Variants in RNF130 observed in about 807,000 individuals in gnomAD.
The protein encoded by RNF130 is E3 ubiquitin-protein ligase RNF130.
A neutral mutation model predicts 44.6 loss-of-function variants in RNF130; 21 were observed. That is an observed-to-expected ratio of 0.47 (90% CI 0.33 to 0.68). The LOEUF (loss-of-function observed/expected upper bound fraction) is 0.68, where lower values mean the gene tolerates loss of function less well. Ranked by LOEUF, RNF130 falls within the 30% of genes least tolerant of loss-of-function variation. RNF130 has a pLI of 0.02. For missense variants in RNF130, 479 were observed against 560.6 expected, an observed-to-expected ratio of 0.85 and a Z score of 1.47; for synonymous variants, 214 against 210.4, an observed-to-expected ratio of 1.02 and a Z score of -0.15.
At chr5:179,914,690 T>G (rs1761516088) in exon 8 of RNF130, 1 of 152,172 alleles carries the variant, frequency 6.6e-6, no homozygotes. Flanking sequence ...GATATTGTGA[T>G]TACATGGAGA....
At chr5:179,917,621 G>A (rs1258368186) in exon 8 of RNF130, 4 of 152,204 alleles carry the variant, frequency 2.6e-5, no homozygotes, top group Non-Finnish European at 5.9e-5. Flanking sequence ...AGCAGCCCCG[G>A]CCACTTCCTG....
chr5:179,912,112 A>G (rs1761475604), exon 8 of RNF130: 1 of 152,220 alleles, frequency 6.6e-6, no homozygotes, highest in Non-Finnish European at 1.5e-5. Flanking sequence ...TATAGTTAGA[A>G]AAATAGTTTT....
At chr5:180,028,160 C>T (rs1399924669) in intron 2 of RNF130, among the ~76,000 whole-genome samples, 1 of 152,202 alleles carries the variant, frequency 6.6e-6, no homozygotes, top group Non-Finnish European at 1.5e-5. Flanking sequence ...ATACTCTTCT[C>T]AACTCCTCAA....
At chr5:179,982,566 G>GTGTTTTGTTTTGTTT (rs71591449) in intron 3 of RNF130, among the ~76,000 whole-genome samples, 1 of 150,592 alleles carries the variant, frequency 6.6e-6, no homozygotes, top group African/African-American at 2.5e-5. Flanking sequence ...GTGAGATTTT[G>GTGTTTTGTTTTGTTT]TGTTTTGTTT....
At chr5:180,068,320 T>TA (rs1259417389) in intron 1 of RNF130, among the ~76,000 whole-genome samples, 1 of 152,202 alleles carries the variant, frequency 6.6e-6, no homozygotes, top group African/African-American at 2.4e-5. Context: ...GAGTAAGTAA[T>TA]AAGAAAGCAA....
chr5:180,024,376 T>A (rs1170370423), intron 2 of RNF130, among the ~76,000 whole-genome samples: 1 of 152,226 alleles, frequency 6.6e-6, no homozygotes, highest in East Asian at 1.9e-4. Context: ...GGAAACTGGG[T>A]GCAGGGTTTG....
chr5:179,933,692 T>C, intron 7 of RNF130: 3 of 321,904 alleles, frequency 9.3e-6, no homozygotes, highest in South Asian at 8.6e-5. Context: ...GGGCTAATTT[T>C]TTCTACTTTT....
At chr5:179,914,041 G>C (rs1475760438) in exon 8 of RNF130, 1 of 152,270 alleles carries the variant, frequency 6.6e-6, no homozygotes, top group Non-Finnish European at 1.5e-5. Flanking sequence ...GCTTCTCCCA[G>C]TCCTTCTGCA....
At chr5:180,039,377 C>T (rs1440013414) in intron 2 of RNF130, among the ~76,000 whole-genome samples, 1 of 152,080 alleles carries the variant, frequency 6.6e-6, no homozygotes, top group Non-Finnish European at 1.5e-5. Flanking sequence ...GCTGGGATTA[C>T]AGGTACCCTC....
chr5:180,023,882 A>C (rs539550356), intron 2 of RNF130, among the ~76,000 whole-genome samples: 7 of 152,346 alleles, frequency 4.6e-5, no homozygotes, highest in African/African-American at 1.7e-4. Flanking sequence ...CAGGGGGAAA[A>C]GAGTTAACTT....
chr5:180,062,355 C>T (rs993964902), intron 1 of RNF130, among the ~76,000 whole-genome samples: 16 of 152,028 alleles, frequency 1.1e-4, no homozygotes, highest in Non-Finnish European at 1.9e-4. Context: ...CCACTGAGCC[C>T]GGTCCCCCCA....
intron 2 of RNF130, among the ~76,000 whole-genome samples, chr5:180,037,471 G>A (rs947951949): frequency 6.6e-6 from 1 of 152,180 alleles, no homozygotes; most frequent in Non-Finnish European, 1.5e-5. Flanking sequence ...AGGCAGCTTG[G>A]CCTATGTCAC....
chr5:179,972,974 A>G (rs887664641), intron 5 of RNF130, among the ~76,000 whole-genome samples: 1 of 152,266 alleles, frequency 6.6e-6, no homozygotes, highest in Non-Finnish European at 1.5e-5. Context: ...TATGAAGAAA[A>G]ACAAAAAAGA....
chr5:180,008,985 T>C (rs2113076233), intron 3 of RNF130, among the ~76,000 whole-genome samples: 1 of 151,038 alleles, frequency 6.6e-6, no homozygotes, highest in East Asian at 1.9e-4. Flanking sequence ...AAGAAAAAAA[T>C]ACATAGGACT....
At chr5:180,006,651 C>T (rs182848495) in intron 3 of RNF130, among the ~76,000 whole-genome samples, 2 of 152,218 alleles carry the variant, frequency 1.3e-5, no homozygotes, top group Admixed American at 6.5e-5. Context: ...ACATCTGCCC[C>T]GTTCCTAAAC....
At chr5:179,973,713 C>T (rs1440386903) in intron 5 of RNF130, among the ~76,000 whole-genome samples, 1 of 152,052 alleles carries the variant, frequency 6.6e-6, no homozygotes, top group Non-Finnish European at 1.5e-5. Context: ...GAAAGAGGCA[C>T]CTGGGGCAAG....
intron 2 of RNF130, among the ~76,000 whole-genome samples, chr5:180,015,844 A>C (rs1041191156): frequency 7.9e-5 from 12 of 152,196 alleles, no homozygotes; most frequent in African/African-American, 2.4e-5. Context: ...AAATAAGAAC[A>C]CCAACTAATT....
downstream of RNF130, among the ~76,000 whole-genome samples, chr5:179,953,238 T>C (rs561230509): frequency 1.4e-4 from 21 of 151,620 alleles, 1 homozygote; most frequent in South Asian, 4.4e-3. Flanking sequence ...TGGAAGACAA[T>C]ATTGTTGAGA....
At chr5:179,996,680 T>C (rs904980351) in intron 3 of RNF130, among the ~76,000 whole-genome samples, 5 of 152,252 alleles carry the variant, frequency 3.3e-5, no homozygotes, top group African/African-American at 1.2e-4. Flanking sequence ...TCATCATGAA[T>C]GCTCTTTTCA....
Sources: gnomAD v4.1 joint callset for allele counts (sites outside exome capture counted in the v4.1 genomes callset) on GRCh38, gnomAD v4.1.1 for gene constraint, MANE v1.5 for transcripts, NCBI Gene and HGNC (gene_info 2026-07-23, HGNC 2026-07-21) for gene names.